The following FALEC variants were observed in gnomAD, a reference collection of about 807,000 sequenced individuals.
The protein encoded by FALEC is focally amplified lncRNA regulator of ECM1.
At chr1:150,520,680 CAG>C (rs1670626988), downstream of FALEC, among the ~76,000 whole-genome samples, 2 of 151,024 alleles carry the variant, frequency 1.3e-5, no homozygotes, top group African/African-American at 4.9e-5. Context: ...AGAATGGAAT[CAG>C]AATAATTACA....
chr1:150,517,939 G>A (rs1476520585), exon 2 of FALEC: 2 of 152,204 alleles, frequency 1.3e-5, no homozygotes, highest in Non-Finnish European at 2.9e-5. Context: ...GTATGAATGG[G>A]AGATGAAGAA....
the FALEC span, among the ~76,000 whole-genome samples, chr1:150,524,551 AATAATAAGACAAGTC>A: frequency 6.6e-6 from 1 of 152,226 alleles, no homozygotes; most frequent in Non-Finnish European, 1.5e-5. Flanking sequence ...CTCATACCTC[AATAATAAGACAAGTC>A]AATCAAAAGA....
the FALEC span, among the ~76,000 whole-genome samples, chr1:150,533,015 G>A: frequency 6.6e-6 from 1 of 152,196 alleles, no homozygotes; most frequent in African/African-American, 2.4e-5. Flanking sequence ...GCCCAGGATT[G>A]ACATGTCCAA....
downstream of FALEC, among the ~76,000 whole-genome samples, chr1:150,520,955 A>AT (rs1670634778): frequency 6.6e-6 from 1 of 151,508 alleles, no homozygotes. Context: ...GCGCCTGCCA[A>AT]TACGCCTGGC....
At chr1:150,521,574 T>C (rs1670643413), downstream of FALEC, among the ~76,000 whole-genome samples, 2 of 152,234 alleles carry the variant, frequency 1.3e-5, no homozygotes, top group South Asian at 4.1e-4. Context: ...TTTTATTTGC[T>C]CATTTAAGAT....
At chr1:150,518,042 C>T (rs587650078), downstream of FALEC, 1 of 152,286 alleles carries the variant, frequency 6.6e-6, no homozygotes, top group African/African-American at 2.4e-5. Context: ...TCCTAGATAT[C>T]ACAAATTCAG....
At chr1:150,521,985 C>A (rs746129840), downstream of FALEC, among the ~76,000 whole-genome samples, 1 of 152,156 alleles carries the variant, frequency 6.6e-6, no homozygotes, top group African/African-American at 2.4e-5. Flanking sequence ...TGGCCCACTC[C>A]CGTAATCCCA....
chr1:150,522,888 CGTATAT>C (rs1175601151), downstream of FALEC, among the ~76,000 whole-genome samples: 13 of 47,552 alleles, frequency 2.7e-4, no homozygotes, highest in African/African-American at 5.9e-4. Flanking sequence ...TATATATATA[CGTATAT>C]ATATATATAC....
chr1:150,517,082 C>T (rs7513247), intron 1 of FALEC, among the ~76,000 whole-genome samples: 86,784 of 151,806 alleles, frequency 0.57, 25,245 homozygotes, highest in Non-Finnish European at 0.62. Context: ...GTGGATCAAC[C>T]GAGGTCAGGA....
the FALEC span, among the ~76,000 whole-genome samples, chr1:150,532,215 C>CT: frequency 5.3e-5 from 8 of 152,148 alleles, no homozygotes; most frequent in Non-Finnish European, 1.2e-4. Flanking sequence ...CCAGCCTTTG[C>CT]TTTTTTAAAG....
chr1:150,516,361 G>T (rs1234627022), intron 1 of FALEC, among the ~76,000 whole-genome samples: 1 of 152,256 alleles, frequency 6.6e-6, no homozygotes, highest in Non-Finnish European at 1.5e-5. Context: ...GGAGTCAGAG[G>T]AGAGGAGGAC....
chr1:150,532,154 G>T, the FALEC span, among the ~76,000 whole-genome samples: 1 of 152,160 alleles, frequency 6.6e-6, no homozygotes, highest in Non-Finnish European at 1.5e-5. Context: ...TGATCCACCT[G>T]CCTCGGCCTC....
chr1:150,523,841 G>A, the FALEC span, among the ~76,000 whole-genome samples: 1 of 152,154 alleles, frequency 6.6e-6, no homozygotes, highest in East Asian at 1.9e-4. Context: ...ATCTTGAGAT[G>A]GGAGCTTATC....
chr1:150,529,293 A>C, the FALEC span, among the ~76,000 whole-genome samples: 8 of 152,236 alleles, frequency 5.3e-5, no homozygotes, highest in African/African-American at 1.9e-4. Flanking sequence ...AACCAGCAGA[A>C]TTAGAAGATT....
At chr1:150,522,345 G>A (rs770978970), downstream of FALEC, among the ~76,000 whole-genome samples, 114 of 151,870 alleles carry the variant, frequency 7.5e-4, no homozygotes, top group Non-Finnish European at 1.2e-3. Context: ...GTGGTTGGCC[G>A]GGAGTGGTGG....
At chr1:150,530,309 A>G in the FALEC span, among the ~76,000 whole-genome samples, 1 of 152,212 alleles carries the variant, frequency 6.6e-6, no homozygotes, top group Non-Finnish European at 1.5e-5. Flanking sequence ...TAGGACGCAC[A>G]TTTAAGAACA....
At chr1:150,517,512 G>A (rs1371074938) in intron 1 of FALEC, among the ~76,000 whole-genome samples, 3 of 152,120 alleles carry the variant, frequency 2.0e-5, no homozygotes, top group Non-Finnish European at 4.4e-5. Context: ...GATGGTATTA[G>A]GAGGTGGGGC....
downstream of FALEC, among the ~76,000 whole-genome samples, chr1:150,518,471 G>T (rs1478006037): frequency 6.6e-6 from 1 of 150,620 alleles, no homozygotes; most frequent in Non-Finnish European, 1.5e-5. Flanking sequence ...CGCAACCTGT[G>T]CCCCCTGGGT....
the FALEC span, among the ~76,000 whole-genome samples, chr1:150,534,543 A>C: frequency 6.6e-6 from 1 of 152,048 alleles, no homozygotes; most frequent in East Asian, 1.9e-4. Flanking sequence ...ATGGAGGCTG[A>C]GATAGAAATG....
Sources: allele counts gnomAD v4.1 joint callset (sites outside exome capture counted in the v4.1 genomes callset), GRCh38; gene constraint gnomAD v4.1.1; transcripts MANE v1.5; gene names NCBI Gene and HGNC (gene_info 2026-07-23, HGNC 2026-07-21).